Variants in SNAPC1 observed in about 807,000 individuals in gnomAD.
SNAPC1 encodes small nuclear RNA activating complex polypeptide 1, also known as snRNA-activating protein complex subunit 1.
In SNAPC1, 42 loss-of-function variants were observed where a neutral mutation model predicts 50.1. That is an observed-to-expected ratio of 0.84 (90% confidence interval 0.65 to 1.08). The LOEUF (loss-of-function observed/expected upper bound fraction) is 1.08. SNAPC1 is among the 50% of genes least tolerant of loss of function. The pLI is 0.00. For synonymous variants in SNAPC1, 164 were observed against 144.2 expected, an observed-to-expected ratio of 1.14 and a Z score of -0.98; for missense variants, 477 against 427.3, an observed-to-expected ratio of 1.12 and a Z score of -1.02.
At chr14:61,791,393 T>C (rs2045151489) in intron 8 of SNAPC1, among the ~76,000 whole-genome samples, 1 of 152,236 alleles carries the variant, frequency 6.6e-6, no homozygotes, top group Non-Finnish European at 1.5e-5. Flanking sequence ...TCCTTTTTTC[T>C]ACATTTATCA....
At chr14:61,791,367 TTC>T (rs2045151252) in intron 8 of SNAPC1, among the ~76,000 whole-genome samples, 2 of 152,220 alleles carry the variant, frequency 1.3e-5, no homozygotes, top group African/African-American at 4.8e-5. Context: ...ATATATTGCA[TTC>T]TCTTTTATAT....
intron 1 of SNAPC1, among the ~76,000 whole-genome samples, chr14:61,765,621 C>A (rs927799304): frequency 6.6e-6 from 1 of 152,164 alleles, no homozygotes; most frequent in Non-Finnish European, 1.5e-5. Flanking sequence ...AGATATGCAT[C>A]TATCTCAGTG....
rs567386517 is a variant in SNAPC1, at chr14:61,787,772, G to T, written c.977-5035G>T. ...AGCTAGATTGCAGTTGGTCCACAAG[G>T]ACTCAAATATAGAAGTACGGAGTCC... On this transcript the variant is annotated intron_variant, in intron 8 of 9. Coordinates refer to ENST00000216294, the MANE Select transcript of SNAPC1 (RefSeq NM_003082.4). Among the ~76,000 whole-genome samples the T allele has an allele frequency of 1.3e-4, 20 of 152,284 alleles. No homozygotes were observed. In the South Asian group the frequency reaches 3.7e-3, roughly 28 times the overall value.
chr14:61,786,978 C>G (rs1174920393), intron 8 of SNAPC1, among the ~76,000 whole-genome samples: 1 of 152,214 alleles, frequency 6.6e-6, no homozygotes, highest in Non-Finnish European at 1.5e-5. Flanking sequence ...AGCTATCATA[C>G]ATCTAACAAC....
intron 8 of SNAPC1, among the ~76,000 whole-genome samples, chr14:61,786,520 A>G (rs1190736440): frequency 6.6e-6 from 1 of 152,248 alleles, no homozygotes; most frequent in Non-Finnish European, 1.5e-5. Flanking sequence ...ATGGATGGCA[A>G]ATAATCATAT....
intron 3 of SNAPC1, 130 bp downstream of exon 3, chr14:61,767,482 T>TA (rs2044956943): frequency 2.1e-6 from 1 of 482,616 alleles, no homozygotes; most frequent in Non-Finnish European, 3.2e-6. Context: ...TTTTTTTTTT[T>TA]AGACAGAGTC....
rs980092026 is a variant in SNAPC1 at position 61,793,545 on chromosome 14, G to A, written c.1072+643G>A. ...GGCATGAGCCACCGTGCCTGGCCTA[G>A]GAATTTGTTTTCATCTTAATTTGTT... On this transcript the variant is annotated intron_variant, in intron 9 of 9. Coordinates refer to ENST00000216294, the MANE Select transcript of SNAPC1 (RefSeq NM_003082.4). Among the ~76,000 whole-genome samples the A allele has an allele frequency of 4.6e-5, 7 of 151,644 alleles. No homozygotes were observed. In the South Asian group the frequency reaches 1.5e-3, roughly 32 times the overall value.
chr14:61,766,518 A>G (rs760971671), intron 1 of SNAPC1, among the ~76,000 whole-genome samples: 3 of 152,248 alleles, frequency 2.0e-5, no homozygotes, highest in Non-Finnish European at 4.4e-5. Context: ...TCTTTATAGC[A>G]CCAAAGAACA....
intron 7 of SNAPC1, among the ~76,000 whole-genome samples, chr14:61,779,920 G>C (rs1001704875): frequency 1.3e-5 from 2 of 152,046 alleles, no homozygotes; most frequent in Non-Finnish European, 2.9e-5. Flanking sequence ...TGTTCACCAG[G>C]CTGGTCTTGA....
At chr14:61,772,328 A>G (rs779056633) in intron 4 of SNAPC1, among the ~76,000 whole-genome samples, 4 of 152,070 alleles carry the variant, frequency 2.6e-5, no homozygotes, top group South Asian at 4.2e-4. Flanking sequence ...GCTCACTGCA[A>G]CTGCCACCCG....
chr14:61,767,169 A>G, intron 2 of SNAPC1, 43 bp from the exon 3 acceptor site: 1 of 1,353,314 alleles, frequency 7.4e-7, no homozygotes, highest in Non-Finnish European at 9.7e-7. Context: ...TTTGTGAAAA[A>G]ATATTTACAT....
intron 1 of SNAPC1, among the ~76,000 whole-genome samples, chr14:61,763,803 A>G (rs539105488): frequency 9.3e-4 from 142 of 152,324 alleles, no homozygotes; most frequent in African/African-American, 3.3e-3. Context: ...AGGGTCCGCT[A>G]TGACTTGGGG....
intron 4 of SNAPC1, among the ~76,000 whole-genome samples, chr14:61,772,794 G>C (rs936713657): frequency 4.6e-5 from 7 of 152,136 alleles, no homozygotes; most frequent in African/African-American, 1.7e-4. Flanking sequence ...TTTTAAGTTG[G>C]GGTTGATGAA....
chr14:61,787,395 G>GT (rs11394957), intron 8 of SNAPC1, among the ~76,000 whole-genome samples: 104,589 of 138,490 alleles, frequency 0.76, 37,388 homozygotes, highest in Non-Finnish European at 0.82. Flanking sequence ...AGATTAAAAT[G>GT]TTTTTTTTTT....
rs554540295 is a variant in SNAPC1 at position 61,763,842 on chromosome 14, AAT to A, written c.128+1256_128+1257del. 6.1e-3 allele frequency among the ~76,000 whole-genome samples: 927 copies of A among 152,340 alleles called. 10 individuals are homozygous for A. The highest frequency in any genetic ancestry group is 0.022 in the African/African-American group (901 of 41,570). On this transcript the variant is annotated intron_variant, in intron 1 of 9. Transcript: ENST00000216294. ...GTTACTTGAGTTTCCATATCTGTAA[AAT>A]AGAGGCAATGATAAACCTCATAGTA...
chr14:61,777,967 CATTT>C, intron 5 of SNAPC1, 101 bp from the exon 6 acceptor site: 1 of 561,256 alleles, frequency 1.8e-6, no homozygotes. Context: ...TTTAGTTTTT[CATTT>C]ATTAAAAATG....
At chr14:61,781,609 C>T (rs1190605872) in intron 7 of SNAPC1, among the ~76,000 whole-genome samples, 2 of 145,424 alleles carry the variant, frequency 1.4e-5, no homozygotes, top group African/African-American at 5.2e-5. Context: ...ATATCTGTGT[C>T]GCAGACAAAG....
intron 8 of SNAPC1, 72 bp from the exon 9 acceptor site, chr14:61,792,735 T>G: frequency 1.2e-6 from 1 of 850,904 alleles, no homozygotes; most frequent in East Asian, 2.8e-5. Context: ...AATGACAGTT[T>G]TTGTAAAATG....
At chr14:61,785,596 C>T (rs112002464) in intron 8 of SNAPC1, among the ~76,000 whole-genome samples, 2 of 152,078 alleles carry the variant, frequency 1.3e-5, no homozygotes, top group African/African-American at 4.8e-5. Context: ...CCAGTGTGGT[C>T]GGGATACAGT....
Sources: gnomAD v4.1 joint callset for allele counts (sites outside exome capture counted in the v4.1 genomes callset) on GRCh38, gnomAD v4.1.1 for gene constraint, MANE v1.5 for transcripts, NCBI Gene and HGNC (gene_info 2026-07-23, HGNC 2026-07-21) for gene names.